PUS7: variants seen among roughly 807,000 people sequenced by gnomAD.
The protein encoded by PUS7 is pseudouridine synthase 7.
A neutral mutation model predicts 79.8 loss-of-function variants in PUS7; 48 were observed. The ratio of observed to expected loss-of-function variants is 0.60; its 90% confidence interval spans 0.48 to 0.76. The LOEUF (loss-of-function observed/expected upper bound fraction) is 0.76. Among genes scored for constraint, PUS7 ranks in the 30% least tolerant of loss-of-function variants. PUS7 has a pLI of 0.00. For synonymous variants in PUS7, 286 were observed against 272.2 expected (o/e 1.05, Z -0.50); for missense variants, 729 against 797.6 (o/e 0.91, Z 1.04).
chr7:105,475,768 A>G (rs1824083274), intron 9 of PUS7, among the ~76,000 whole-genome samples: 3 of 152,132 alleles, frequency 2.0e-5, no homozygotes, highest in Admixed American at 2.0e-4. Flanking sequence ...ACTGTCAGGC[A>G]ACCATCATCA....
chr7:105,494,993 G>T, intron 6 of PUS7, 149 bp downstream of exon 6: 25 of 281,192 alleles, frequency 8.9e-5, no homozygotes, highest in Non-Finnish European at 1.3e-4. Flanking sequence ...AAAAAAAAAA[G>T]AAAGAAAGAA....
At chr7:105,489,323 G>A (rs182136402) in intron 7 of PUS7, among the ~76,000 whole-genome samples, 1 of 151,814 alleles carries the variant, frequency 6.6e-6, no homozygotes, top group East Asian at 1.9e-4. Flanking sequence ...TCTATCCACA[G>A]AGGATGAGAA....
intron 4 of PUS7, among the ~76,000 whole-genome samples, chr7:105,503,721 C>T (rs1825345654): frequency 6.6e-6 from 1 of 152,202 alleles, no homozygotes. Flanking sequence ...CAACCTCTGC[C>T]TCCCAGGCTC....
intron 13 of PUS7, among the ~76,000 whole-genome samples, chr7:105,463,425 A>G (rs1044505052): frequency 6.6e-6 from 1 of 152,180 alleles, no homozygotes; most frequent in African/African-American, 2.4e-5. Context: ...TCTCTAGACC[A>G]AACAATGCTT....
chr7:105,475,480 A>C (rs867805141), intron 9 of PUS7, among the ~76,000 whole-genome samples: 52 of 149,470 alleles, frequency 3.5e-4, no homozygotes, highest in Admixed American at 2.3e-3. Context: ...CCACCGTGCC[A>C]GGCCATTTTT....
At chr7:105,509,138 C>A (rs1825600678) in intron 1 of PUS7, among the ~76,000 whole-genome samples, 1 of 116,002 alleles carries the variant, frequency 8.6e-6, no homozygotes, top group Admixed American at 1.2e-4. Context: ...GAGCAGAGAT[C>A]GAGCCACTGC....
chr7:105,479,597 G>A (rs1317259998), intron 9 of PUS7, among the ~76,000 whole-genome samples: 1 of 152,160 alleles, frequency 6.6e-6, no homozygotes, highest in Non-Finnish European at 1.5e-5. Context: ...TTATTGATGG[G>A]ATTCCCACTG....
At chr7:105,521,123 C>A (rs1426979598) in intron 1 of PUS7, among the ~76,000 whole-genome samples, 1 of 135,944 alleles carries the variant, frequency 7.4e-6, no homozygotes. Flanking sequence ...CCTAACCAAC[C>A]CCTTTTCAAT....
At chr7:105,510,632 G>C (rs1825664804) in intron 1 of PUS7, among the ~76,000 whole-genome samples, 1 of 151,962 alleles carries the variant, frequency 6.6e-6, no homozygotes, top group African/African-American at 2.4e-5. Context: ...TCCTACCTCA[G>C]CCTCCCGGGT....
intron 1 of PUS7, among the ~76,000 whole-genome samples, chr7:105,515,181 G>A (rs1197359545): frequency 6.6e-6 from 1 of 152,112 alleles, no homozygotes; most frequent in Non-Finnish European, 1.5e-5. Flanking sequence ...CCGTATGACA[G>A]AAAACCCATA....
chr7:105,465,520 T>C, intron 12 of PUS7, 106 bp from the exon 13 acceptor site: 1 of 839,504 alleles, frequency 1.2e-6, no homozygotes, highest in Non-Finnish European at 1.8e-6. Flanking sequence ...TACAAGTTGG[T>C]ACAGGTTCAG....
intron 1 of PUS7, among the ~76,000 whole-genome samples, chr7:105,510,091 G>A (rs766945120): frequency 1.3e-5 from 2 of 152,044 alleles, no homozygotes; most frequent in East Asian, 1.9e-4. Context: ...ACCTGAGGTC[G>A]GGAGTTTGAG....
intron 1 of PUS7, among the ~76,000 whole-genome samples, chr7:105,518,636 G>C (rs937743363): frequency 1.3e-5 from 2 of 152,170 alleles, no homozygotes; most frequent in Admixed American, 1.3e-4. Context: ...CTGAGCTCAA[G>C]TGATCTGCCC....
intron 4 of PUS7, among the ~76,000 whole-genome samples, chr7:105,503,535 ATG>A (rs1348052922): frequency 3.9e-5 from 6 of 152,304 alleles, no homozygotes; most frequent in Non-Finnish European, 7.4e-5. Context: ...ACAACCACAA[ATG>A]TGTGTGTATA....
Position 105,481,223 on chromosome 7 carries a change from T to C in PUS7, c.1050-46A>G, listed in dbSNP as rs753000999. On this transcript the variant is annotated intron_variant, in intron 8 of 15. Transcript: ENST00000469408. ...CAGAGGAAAAAAAGTTACAGTCAAA[T>C]ACTCAGGGATGCAGCTCATAAATGA... is the stretch of plus-strand genomic sequence containing the variant. The C allele has an allele frequency of 2.6e-6, 4 of 1,556,690 alleles. No individual in the cohort carries two copies. In the African/African-American group the frequency reaches 5.5e-5, roughly 21 times the overall value.
rs183171821 is a variant in PUS7, at chr7:105,461,153, A to G, written c.1757+1468T>C. On this transcript the variant is annotated intron_variant, in intron 14 of 15. Transcript: ENST00000469408. ...ATAAAGTATTTTTAAACGAACTAACATAAGTATATTTTCCTCTCTAGAAAC... is the reference window on the plus strand; with the variant it reads ...ATAAAGTATTTTTAAACGAACTAACGTAAGTATATTTTCCTCTCTAGAAAC... 1.4e-4 allele frequency among the ~76,000 whole-genome samples: 21 copies of G among 152,294 alleles called. No homozygotes were observed. In the South Asian group the frequency reaches 1.9e-3, roughly 14 times the overall value.
intron 7 of PUS7, among the ~76,000 whole-genome samples, chr7:105,489,755 A>G (rs934784589): frequency 2.0e-5 from 3 of 152,166 alleles, no homozygotes; most frequent in African/African-American, 7.2e-5. Context: ...AAGAAGCCCA[A>G]TTGTAGGGGA....
rs1460908417 is a variant in PUS7 at position 105,514,509 on chromosome 7, C to T, written c.-32-5965G>A. On this transcript the variant is annotated intron_variant, in intron 1 of 15. Transcript: ENST00000469408. ...GTCCCAGCTACTCAGGAGGCTGAGGCAGGAGAATGGCGTGAACCCGGGAGG... is the reference window on the plus strand; with the variant it reads ...GTCCCAGCTACTCAGGAGGCTGAGGTAGGAGAATGGCGTGAACCCGGGAGG... Among the ~76,000 whole-genome samples the T allele has an allele frequency of 6.7e-5, 10 of 150,194 alleles. No homozygotes were observed. In the Admixed American group the frequency reaches 6.7e-4, roughly 10 times the overall value.
chr7:105,475,193 CT>C (rs67059780), intron 9 of PUS7, among the ~76,000 whole-genome samples: 14 of 149,948 alleles, frequency 9.3e-5, no homozygotes, highest in South Asian at 4.2e-4. Context: ...ATGTTTTGTA[CT>C]TTTTTTTTTG....
Sources: gnomAD v4.1 joint callset for allele counts (sites outside exome capture counted in the v4.1 genomes callset) on GRCh38, gnomAD v4.1.1 for gene constraint, MANE v1.5 for transcripts, NCBI Gene and HGNC (gene_info 2026-07-23, HGNC 2026-07-21) for gene names.